The following TULP4 variants were observed in gnomAD, a reference collection of about 807,000 sequenced individuals.
The protein encoded by TULP4 is tubby-related protein 4.
In TULP4, 16 loss-of-function variants were observed where a neutral mutation model predicts 129.0. The observed-to-expected ratio is 0.12, with a 90% CI of 0.08 to 0.19. The LOEUF is 0.19. Among genes scored for constraint, TULP4 ranks in the 10% least tolerant of loss-of-function variants. The probability of loss-of-function intolerance (pLI) is 1.00; values close to 1 mark genes in which losing one functional copy is unlikely to be tolerated. For synonymous variants in TULP4, 998 were observed against 854.0 expected (o/e 1.17, Z -2.94); for missense variants, 1,842 against 2,059.1 (o/e 0.89, Z 2.04).
chr6:158,430,105 ATTAAG>A (rs1200327498), intron 3 of TULP4, among the ~76,000 whole-genome samples: 2 of 152,258 alleles, frequency 1.3e-5, no homozygotes, highest in Non-Finnish European at 2.9e-5. Context: ...ATATGGTAAC[ATTAAG>A]TTAACATTTT....
intron 1 of TULP4, among the ~76,000 whole-genome samples, chr6:158,392,790 A>ATTTCTT (rs1777614510): frequency 5.2e-5 from 2 of 38,628 alleles, no homozygotes; most frequent in South Asian, 8.3e-4. Flanking sequence ...TTAAATTTGT[A>ATTTCTT]TTTCTTTTTT....
chr6:158,251,020 A>T (rs1778129961), intron 1 of TULP4, among the ~76,000 whole-genome samples: 1 of 152,188 alleles, frequency 6.6e-6, no homozygotes, highest in Admixed American at 6.5e-5. Context: ...GTTGAGTGGT[A>T]GAGTGGACCC....
At chr6:158,244,371 T>G (rs1379733586) in intron 1 of TULP4, among the ~76,000 whole-genome samples, 1 of 152,208 alleles carries the variant, frequency 6.6e-6, no homozygotes, top group East Asian at 1.9e-4. Context: ...AATTCAGAGC[T>G]AAAGTAGATA....
intron 8 of TULP4, among the ~76,000 whole-genome samples, chr6:158,484,271 G>T (rs532149297): frequency 4.6e-5 from 7 of 150,770 alleles, no homozygotes; most frequent in African/African-American, 1.5e-4. Flanking sequence ...AGGAGGCAGG[G>T]TCTTACTCTG....
At chr6:158,304,004 A>T (rs926741047) in intron 1 of TULP4, among the ~76,000 whole-genome samples, 2 of 152,232 alleles carry the variant, frequency 1.3e-5, no homozygotes, top group African/African-American at 4.8e-5. Flanking sequence ...ATCAGATAAC[A>T]CAAAACAAAT....
At chr6:158,258,514 G>T (rs942794496) in intron 1 of TULP4, among the ~76,000 whole-genome samples, 36 of 152,146 alleles carry the variant, frequency 2.4e-4, no homozygotes, top group Non-Finnish European at 4.6e-4. Context: ...ATGGTGGGAG[G>T]ATGGAAGCCA....
intron 8 of TULP4, among the ~76,000 whole-genome samples, chr6:158,482,038 C>T (rs1387008067): frequency 2.0e-5 from 3 of 152,202 alleles, no homozygotes; most frequent in East Asian, 1.9e-4. Context: ...ACGAACAGCA[C>T]GCTTAGTCAT....
intron 1 of TULP4, among the ~76,000 whole-genome samples, chr6:158,382,496 C>G (rs936979256): frequency 1.3e-5 from 2 of 152,158 alleles, no homozygotes; most frequent in Non-Finnish European, 2.9e-5. Flanking sequence ...CCATGCTCCT[C>G]CAAGCAGCAG....
At chr6:158,415,864 C>A (rs1778198104) in intron 2 of TULP4, among the ~76,000 whole-genome samples, 1 of 152,098 alleles carries the variant, frequency 6.6e-6, no homozygotes, top group African/African-American at 2.4e-5. Context: ...AACTGACTCA[C>A]ACGATCACGA....
At chr6:158,452,973 G>C (rs1246490174) in intron 5 of TULP4, among the ~76,000 whole-genome samples, 1 of 152,144 alleles carries the variant, frequency 6.6e-6, no homozygotes, top group Non-Finnish European at 1.5e-5. Context: ...AGGTAAAAAG[G>C]TTTTAAAATT....
chr6:158,431,560 G>A (rs1778629856), intron 3 of TULP4, among the ~76,000 whole-genome samples: 1 of 152,196 alleles, frequency 6.6e-6, no homozygotes, highest in Non-Finnish European at 1.5e-5. Context: ...GACCTGTTGA[G>A]GAGACAGACC....
chr6:158,330,318 A>C (rs1435061981), intron 1 of TULP4, among the ~76,000 whole-genome samples: 3 of 152,248 alleles, frequency 2.0e-5, no homozygotes, highest in South Asian at 2.1e-4. Context: ...CTTGTTAATG[A>C]ATGTCCAATA....
chr6:158,378,639 T>A (rs1029840275), intron 1 of TULP4, among the ~76,000 whole-genome samples: 6 of 151,896 alleles, frequency 4.0e-5, no homozygotes, highest in African/African-American at 1.5e-4. Flanking sequence ...CATGTGCCAC[T>A]GTGCCCGGCT....
chr6:158,248,216 T>C (rs1488728767), intron 1 of TULP4, among the ~76,000 whole-genome samples: 2 of 151,726 alleles, frequency 1.3e-5, no homozygotes, highest in Non-Finnish European at 2.9e-5. Context: ...CTGAGTTGGG[T>C]GGATCATTTG....
intron 1 of TULP4, among the ~76,000 whole-genome samples, chr6:158,372,163 G>GTTTTTT (rs1491452956): frequency 7.7e-4 from 8 of 10,434 alleles, no homozygotes; most frequent in South Asian, 4.1e-3. Context: ...CATTCTATCT[G>GTTTTTT]CTTTTTTTTT....
At chr6:158,420,167 A>G (rs1778303124) in intron 2 of TULP4, among the ~76,000 whole-genome samples, 1 of 152,250 alleles carries the variant, frequency 6.6e-6, no homozygotes, top group African/African-American at 2.4e-5. Flanking sequence ...AAAGATTTTT[A>G]TTGACAAAAT....
At chr6:158,378,485 T>TTTTTTTTTGG (rs1554285635) in intron 1 of TULP4, among the ~76,000 whole-genome samples, 13 of 51,402 alleles carry the variant, frequency 2.5e-4, no homozygotes, top group African/African-American at 5.3e-4. Context: ...TTTTTTTTTT[T>TTTTTTTTTGG]GGTGGGGGTG....
intron 1 of TULP4, chr6:158,238,415 GT>G (rs71030150): frequency 0.57 from 183,192 of 318,864 alleles, 34,455 homozygotes; most frequent in Admixed American, 0.65. Context: ...TTGTTAAATT[GT>G]TTTTTTTTTT....
intron 2 of TULP4, among the ~76,000 whole-genome samples, chr6:158,425,780 T>C (rs1778477235): frequency 6.6e-6 from 1 of 151,926 alleles, no homozygotes; most frequent in Admixed American, 6.6e-5. Flanking sequence ...GTTTTTGTAT[T>C]TTTAGTAGAG....
Sources: gnomAD v4.1 joint callset for allele counts (sites outside exome capture counted in the v4.1 genomes callset) on GRCh38, gnomAD v4.1.1 for gene constraint, MANE v1.5 for transcripts, NCBI Gene and HGNC (gene_info 2026-07-23, HGNC 2026-07-21) for gene names.